DENND2A: variants seen among roughly 807,000 people sequenced by gnomAD.
DENND2A encodes DENN domain containing 2A, also known as DENN domain-containing protein 2A.
In DENND2A, 53 loss-of-function variants were observed where a neutral mutation model predicts 105.3. The observed-to-expected ratio is 0.50, with a 90% confidence interval of 0.40 to 0.63. The LOEUF is 0.63. Among genes scored for constraint, DENND2A ranks in the 30% least tolerant of loss-of-function variants. DENND2A has a pLI of 0.00. For synonymous variants in DENND2A, 522 were observed against 508.4 expected, an observed-to-expected ratio of 1.03 and a Z score of -0.36; for missense variants, 1,138 against 1,279.6, an observed-to-expected ratio of 0.89 and a Z score of 1.69.
chr7:140,545,829 C>T (rs1008440366), intron 13 of DENND2A, among the ~76,000 whole-genome samples: 33 of 152,320 alleles, frequency 2.2e-4, no homozygotes, highest in Non-Finnish European at 3.8e-4. Flanking sequence ...GCTGCCCCAA[C>T]GGTGAGGCTT....
In DENND2A at chr7:140,518,683, G is replaced by A. The variant is rs766151130; in HGVS notation, c.*24C>T. 2 of 1,611,598 alleles carry A rather than the reference G, an allele frequency of 1.2e-6. No homozygotes were observed. Among genetic ancestry groups the A allele is most frequent in the Non-Finnish European group, 8.5e-7 (1 of 1,177,660 alleles). ...TTAAAGCATAGGGCTGCACTAGGAG[G>A]AAGTTTTCCCTTGAGGCTGAGAGTT... On this transcript the variant is annotated 3_prime_UTR_variant, in exon 20 of 20. Coordinates refer to ENST00000496613, the MANE Select transcript of DENND2A (RefSeq NM_015689.5).
chr7:140,532,184 G>A (rs895454713), intron 14 of DENND2A, among the ~76,000 whole-genome samples: 15 of 152,242 alleles, frequency 9.9e-5, no homozygotes, highest in Admixed American at 7.9e-4. Context: ...CAGGAGAATC[G>A]CTTGAATCCG....
At chr7:140,553,751 C>T (rs1441166707) in intron 12 of DENND2A, among the ~76,000 whole-genome samples, 2 of 152,168 alleles carry the variant, frequency 1.3e-5, no homozygotes, top group African/African-American at 4.8e-5. Flanking sequence ...CATCTTGCAC[C>T]GCCCTTAATC....
intron 3 of DENND2A, among the ~76,000 whole-genome samples, chr7:140,589,038 C>T (rs551490483): frequency 2.0e-5 from 3 of 152,214 alleles, no homozygotes; most frequent in East Asian, 1.9e-4. Flanking sequence ...CCACTGTGCC[C>T]GGCCTCTTAT....
chr7:140,584,295 ACT>A (rs1261925674), intron 5 of DENND2A, among the ~76,000 whole-genome samples: 1 of 152,128 alleles, frequency 6.6e-6, no homozygotes, highest in East Asian at 1.9e-4. Context: ...ATACAGCCAC[ACT>A]CATTTATTTA....
chr7:140,525,635 G>T, intron 16 of DENND2A, 116 bp downstream of exon 16: 1 of 950,900 alleles, frequency 1.1e-6, no homozygotes, highest in Non-Finnish European at 1.5e-6. Flanking sequence ...GGGTCACACA[G>T]CTCTGCCACC....
Position 140,558,077 on chromosome 7 carries a change from C to A in DENND2A, c.1959+66G>T, listed in dbSNP as rs111518103. 282 of 1,395,760 alleles carry A rather than the reference C, an allele frequency of 2.0e-4. 4 individuals are homozygous for A. The African/African-American group carries it at 3.4e-3, about 17-fold the overall frequency. The allele number at this position is 1,395,760 out of a possible 1,614,324, so 86.5% of individuals were successfully genotyped here. A position where few individuals can be genotyped will look rare whatever the true frequency, so the allele number is the denominator to read the frequency against. On this transcript the variant is annotated intron_variant, in intron 11 of 19. Transcript: ENST00000496613. ...GTCTCACGGGACTGGGAAGCCAGAC[C>A]TGGCTCTTGCACCAGGACTAGGAAG...
intron 2 of DENND2A, among the ~76,000 whole-genome samples, chr7:140,603,104 G>A (rs1799576392): frequency 6.6e-6 from 1 of 152,082 alleles, no homozygotes; most frequent in African/African-American, 2.4e-5. Context: ...CTAACATGGT[G>A]AAACCCCGTC....
chr7:140,623,964 A>G (rs1381166696), intron 1 of DENND2A, among the ~76,000 whole-genome samples: 1 of 152,214 alleles, frequency 6.6e-6, no homozygotes, highest in Non-Finnish European at 1.5e-5. Context: ...TGGATCTACA[A>G]TCTAGCAGAA....
intron 12 of DENND2A, among the ~76,000 whole-genome samples, chr7:140,555,056 C>T (rs1797300791): frequency 6.6e-6 from 1 of 151,978 alleles, no homozygotes; most frequent in Non-Finnish European, 1.5e-5. Context: ...GAGGGTCTTC[C>T]ACCCCTCCCT....
intron 7 of DENND2A, 100 bp downstream of exon 7, chr7:140,569,545 C>T: frequency 1.2e-6 from 1 of 828,330 alleles, no homozygotes; most frequent in Non-Finnish European, 2.1e-6. Context: ...TCAGCTTGTT[C>T]TCCTCCTTGG....
rs372102093 is a variant in DENND2A, at chr7:140,521,882, G to A, written c.2884C>T (p.Arg962Trp). 100 of 1,613,932 alleles carry A rather than the reference G, an allele frequency of 6.2e-5. No homozygotes were observed. The highest frequency in any genetic ancestry group is 1.0e-4 in the Admixed American group (6 of 60,012). Residue 962 changes from arginine to tryptophan, a missense_variant, in exon 18 of 20, where the codon CGG becomes TGG. Coordinates refer to ENST00000496613, the MANE Select transcript of DENND2A (RefSeq NM_015689.5). ...TQMFRGFIQE[R>W]ELRRQDAKGL... Reference sequence around the variant, plus strand: ...TTGGCATCCTGCCGGCGCAGCTCCCGCTCCTGGATGAAGCCCCGAAACATC... The same window carrying A: ...TTGGCATCCTGCCGGCGCAGCTCCCACTCCTGGATGAAGCCCCGAAACATC...
rs1796112962 is a variant in DENND2A, at chr7:140,527,632, T to C, written c.2328-137A>G. On this transcript the variant is annotated intron_variant, in intron 14 of 19. Transcript: ENST00000496613. The surrounding 1 kb of genome is among the most constrained non-coding windows in gnomAD (Gnocchi z 4.9). ...GATGTGGATCCGGTGGAGCACATGA[T>C]GGTCTCAGCACAGGCCACACCAGGC... 6 of 938,680 alleles carry C rather than the reference T, an allele frequency of 6.4e-6. No homozygotes were observed. The highest frequency in any genetic ancestry group is 2.8e-5 in the Admixed American group (1 of 36,194). 58.1% of individuals were successfully genotyped at this position (938,680 alleles called of 1,614,324 possible). A position where few individuals can be genotyped will look rare whatever the true frequency, so the allele number is the denominator to read the frequency against.
At chr7:140,574,139 G>A (rs1467922315) in intron 5 of DENND2A, 131 bp from the exon 6 acceptor site, 1 of 970,182 alleles carries the variant, frequency 1.0e-6, no homozygotes, top group African/African-American at 1.6e-5. Flanking sequence ...GTTAGGTGGA[G>A]TTTGGTTATG....
At chr7:140,608,366 T>C (rs1300285923) in intron 1 of DENND2A, among the ~76,000 whole-genome samples, 1 of 152,134 alleles carries the variant, frequency 6.6e-6, no homozygotes, top group Non-Finnish European at 1.5e-5. Flanking sequence ...CTTTCCCTTT[T>C]TGTCTCTGAT....
chr7:140,622,262 G>A lies in DENND2A; in HGVS notation c.-247-16456C>T, dbSNP rs533295569. On this transcript the variant is annotated intron_variant, in intron 1 of 19. Coordinates refer to ENST00000496613, the MANE Select transcript of DENND2A (RefSeq NM_015689.5). ...AACACAAAAATTAGCCAGGCGTGGT[G>A]GCACATGCCTGTAATCTCAGCTACT... 3.3e-5 allele frequency among the ~76,000 whole-genome samples: 5 copies of A among 152,228 alleles called. No individual in the cohort carries two copies. The South Asian group carries it at 6.2e-4, about 19-fold the overall frequency.
At chr7:140,550,423 T>C (rs1176292211) in intron 12 of DENND2A, among the ~76,000 whole-genome samples, 1 of 152,178 alleles carries the variant, frequency 6.6e-6, no homozygotes, top group Non-Finnish European at 1.5e-5. Flanking sequence ...AGTGGTGCGA[T>C]CTGGGCTCAC....
intron 9 of DENND2A, among the ~76,000 whole-genome samples, chr7:140,566,333 CCTT>C (rs1797834842): frequency 6.6e-6 from 1 of 152,062 alleles, no homozygotes; most frequent in Admixed American, 6.6e-5. Context: ...CGCCTGGCCT[CCTT>C]TACATTCTTA....
chr7:140,529,636 C>A lies in DENND2A; in HGVS notation c.2328-2141G>T, dbSNP rs562028475. Among the ~76,000 whole-genome samples, 9 of 152,192 alleles carry A rather than the reference C, an allele frequency of 5.9e-5. No homozygotes were observed. In the East Asian group the frequency reaches 1.7e-3, roughly 29 times the overall value. On this transcript the variant is annotated intron_variant, in intron 14 of 19. Coordinates refer to ENST00000496613, the MANE Select transcript of DENND2A (RefSeq NM_015689.5). Reference sequence around the variant, plus strand: ...AGCCATAAAAAAGGATGAGTTCATCCTTTGTAGGGACATGGATGAAGCTGG... The same window carrying A: ...AGCCATAAAAAAGGATGAGTTCATCATTTGTAGGGACATGGATGAAGCTGG...
Sources: gnomAD v4.1 joint callset for allele counts (sites outside exome capture counted in the v4.1 genomes callset) on GRCh38, gnomAD v4.1.1 for gene constraint, Gnocchi (gnomAD v3.1) non-coding constraint, MANE v1.5 for transcripts, NCBI Gene and HGNC (gene_info 2026-07-23, HGNC 2026-07-21) for gene names.